Variants in TLN2 observed in about 807,000 individuals in gnomAD.
TLN2 encodes talin-2.
Under a neutral mutation model 294.7 loss-of-function variants are expected in TLN2, and 118 were observed. That is an observed-to-expected ratio of 0.40 (90% CI 0.34 to 0.47). The LOEUF is 0.47. TLN2 is among the 20% of genes least tolerant of loss of function. The pLI, the probability that TLN2 is intolerant of heterozygous loss-of-function variation, is 0.84. For missense variants in TLN2, 3,083 were observed against 3,282.2 expected, an observed-to-expected ratio of 0.94 and a Z score of 1.48; for synonymous variants, 1,431 against 1,304.5, an observed-to-expected ratio of 1.10 and a Z score of -2.09.
At chr15:62,535,353 G>A (rs1350112349) in intron 1 of TLN2, among the ~76,000 whole-genome samples, 1 of 151,964 alleles carries the variant, frequency 6.6e-6, no homozygotes, top group Non-Finnish European at 1.5e-5. Flanking sequence ...ACCTCCCTAG[G>A]TGATCTATGG....
chr15:62,544,295 C>T (rs1306401105), intron 1 of TLN2, among the ~76,000 whole-genome samples: 1 of 152,168 alleles, frequency 6.6e-6, no homozygotes, highest in African/African-American at 2.4e-5. Context: ...CTAGTCTCCC[C>T]CAGCCTCCCA....
chr15:62,645,637 G>T (rs1164528660), intron 3 of TLN2, among the ~76,000 whole-genome samples: 2 of 152,182 alleles, frequency 1.3e-5, no homozygotes, highest in Non-Finnish European at 2.9e-5. Flanking sequence ...TCGCTGCACT[G>T]CCTGGGCCTG....
At chr15:62,754,766 C>T (rs1430632421) in intron 36 of TLN2, 2 of 152,324 alleles carry the variant, frequency 1.3e-5, no homozygotes, top group African/African-American at 2.4e-5. Context: ...CCAGCCTCAG[C>T]AAAGCAGAAC....
At chr15:62,521,881 C>G (rs888937761) in intron 1 of TLN2, among the ~76,000 whole-genome samples, 8 of 152,178 alleles carry the variant, frequency 5.3e-5, no homozygotes, top group Non-Finnish European at 8.8e-5. Flanking sequence ...AGTGTCTGCT[C>G]TCTGCCGTGT....
At chr15:62,654,754 CAAAAAAAAA>C (rs59006343) in intron 7 of TLN2, among the ~76,000 whole-genome samples, 28 of 33,858 alleles carry the variant, frequency 8.3e-4, no homozygotes, top group African/African-American at 2.1e-3. Flanking sequence ...GACTCTGCCT[CAAAAAAAAA>C]AAAAAAAAAA....
At chr15:62,737,778 G>A (rs558732334) in intron 29 of TLN2, among the ~76,000 whole-genome samples, 7 of 152,318 alleles carry the variant, frequency 4.6e-5, no homozygotes, top group Admixed American at 1.3e-4. Flanking sequence ...ATTAACCACA[G>A]GCCTTCTAAT....
chr15:62,660,912 C>A (rs1372795543), intron 9 of TLN2, among the ~76,000 whole-genome samples: 1 of 152,166 alleles, frequency 6.6e-6, no homozygotes, highest in Non-Finnish European at 1.5e-5. Context: ...CAAAGTCCAA[C>A]TTTTAAACTG....
chr15:62,527,124 T>C (rs1309988513), intron 1 of TLN2, among the ~76,000 whole-genome samples: 1 of 152,078 alleles, frequency 6.6e-6, no homozygotes, highest in Non-Finnish European at 1.5e-5. Context: ...ATGGGTTGGA[T>C]TTTGAGATTG....
chr15:62,691,937 G>A (rs1266903781), intron 12 of TLN2, among the ~76,000 whole-genome samples: 1 of 152,172 alleles, frequency 6.6e-6, no homozygotes, highest in Non-Finnish European at 1.5e-5. Context: ...ACCTCCCAAA[G>A]TGGTGGGATC....
rs779549971 is a variant in TLN2 at position 62,647,355 on chromosome 15, G to T, written c.45G>T (p.Val15=). The T allele has an allele frequency of 1.9e-6, 3 of 1,614,216 alleles. No homozygotes were observed. The South Asian group carries it at 3.3e-5, about 18-fold the overall frequency. The change falls in exon 4 of 59, where the codon GTG becomes GTT. Residue 15 remains valine (V), a synonymous_variant. Coordinates refer to ENST00000636159, the MANE Select transcript of TLN2 (RefSeq NM_015059.3). ...SLKICVRHCN[V]VKTMQFEPST... ...AGATTTGTGTGCGCCACTGCAACGTGGTGAAGACCATGCAGTTTGAACCAT... is the reference window on the plus strand; with the variant it reads ...AGATTTGTGTGCGCCACTGCAACGTTGTGAAGACCATGCAGTTTGAACCAT...
rs1179869303 is a variant in TLN2 at position 62,708,555 on chromosome 15, A to G, written c.2226A>G (p.Ala742=). The change falls in exon 21 of 59, where the codon GCA becomes GCG. Residue 742 remains alanine, a synonymous_variant. Transcript: ENST00000636159. ...SPVCQEQLIE[A]GKLVDRSVEN... Reference sequence around the variant, plus strand: ...TGTGCCAGGAGCAGCTGATTGAAGCAGGGAAGCTGGTGGACCGCTCGGTGG... The same window carrying G: ...TGTGCCAGGAGCAGCTGATTGAAGCGGGGAAGCTGGTGGACCGCTCGGTGG... 9.9e-6 allele frequency: 16 copies of G among 1,614,018 alleles called. No individual in the cohort carries two copies. Among genetic ancestry groups the G allele is most frequent in the Admixed American group, 1.7e-5 (1 of 59,996 alleles).
chr15:62,823,321 T>C (rs1360426459), intron 54 of TLN2, among the ~76,000 whole-genome samples: 1 of 152,226 alleles, frequency 6.6e-6, no homozygotes, highest in African/African-American at 2.4e-5. Context: ...ATATCTTCCT[T>C]GCCTTTATAA....
chr15:62,823,140 TC>T, intron 54 of TLN2, among the ~76,000 whole-genome samples: 1 of 152,300 alleles, frequency 6.6e-6, no homozygotes, highest in Non-Finnish European at 1.5e-5. Flanking sequence ...CTCACTCCCA[TC>T]GTATTAGGAA....
chr15:62,467,414 C>T (rs938920730), intron 1 of TLN2, among the ~76,000 whole-genome samples: 84 of 152,102 alleles, frequency 5.5e-4, no homozygotes, highest in African/African-American at 1.9e-3. Flanking sequence ...ATTTTAAGGC[C>T]GGCTGTGGTG....
intron 3 of TLN2, among the ~76,000 whole-genome samples, chr15:62,632,322 T>G (rs2049980051): frequency 6.6e-6 from 1 of 152,200 alleles, no homozygotes. Flanking sequence ...AGAATAATCT[T>G]GGAGCCCTTC....
At chr15:62,540,284 G>A (rs2041603314) in intron 1 of TLN2, among the ~76,000 whole-genome samples, 1 of 152,050 alleles carries the variant, frequency 6.6e-6, no homozygotes, top group South Asian at 2.1e-4. Flanking sequence ...AGGTTGCAGT[G>A]AGCCAAGATC....
At chr15:62,601,653 A>G (rs1316359206) in intron 2 of TLN2, among the ~76,000 whole-genome samples, 7 of 152,184 alleles carry the variant, frequency 4.6e-5, no homozygotes, top group Admixed American at 4.6e-4. Flanking sequence ...TTCTAATTCT[A>G]TCATTCCTAC....
At chr15:62,818,578 A>G (rs546245505) in intron 52 of TLN2, among the ~76,000 whole-genome samples, 42 of 152,336 alleles carry the variant, frequency 2.8e-4, no homozygotes, top group African/African-American at 1.0e-3. Flanking sequence ...AGAAAGCAAA[A>G]GACAATTTTT....
chr15:62,747,017 A>G (rs903903585), intron 32 of TLN2, among the ~76,000 whole-genome samples: 7 of 152,206 alleles, frequency 4.6e-5, no homozygotes, highest in African/African-American at 1.7e-4. Flanking sequence ...ACACATATCA[A>G]TGGTGAAAAG....
Sources: allele counts gnomAD v4.1 joint callset (sites outside exome capture counted in the v4.1 genomes callset), GRCh38; gene constraint gnomAD v4.1.1; transcripts MANE v1.5; gene names NCBI Gene and HGNC (gene_info 2026-07-23, HGNC 2026-07-21).